Variants in FBN2 observed in about 807,000 individuals in gnomAD.
The protein encoded by FBN2 is fibrillin-2.
In FBN2, 105 loss-of-function variants were observed where a neutral mutation model predicts 355.6. That is an observed-to-expected ratio of 0.30 (90% CI 0.25 to 0.35). The LOEUF (loss-of-function observed/expected upper bound fraction) is 0.35, where lower values mean the gene tolerates loss of function less well. Among genes scored for constraint, FBN2 ranks in the 10% least tolerant of loss-of-function variants. FBN2 has a pLI of 1.00. For missense variants in FBN2, 3,280 were observed against 3,758.7 expected (o/e 0.87, Z 3.33); for synonymous variants, 1,350 against 1,301.2 (o/e 1.04, Z -0.81).
intron 4 of FBN2, among the ~76,000 whole-genome samples, chr5:128,519,948 C>CTTCT (rs1756387453): frequency 1.3e-5 from 2 of 151,802 alleles, no homozygotes; most frequent in South Asian, 4.2e-4. Flanking sequence ...ATACCATCAA[C>CTTCT]GTTAGCTATA....
intron 1 of FBN2, among the ~76,000 whole-genome samples, chr5:128,537,077 G>T (rs1318505573): frequency 3.9e-5 from 6 of 152,120 alleles, no homozygotes; most frequent in African/African-American, 1.4e-4. Flanking sequence ...CGCAGCGCGA[G>T]CTCTGCACAC....
intron 55 of FBN2, among the ~76,000 whole-genome samples, chr5:128,283,116 C>T (rs1212934149): frequency 6.6e-6 from 1 of 152,158 alleles, no homozygotes. Flanking sequence ...GTTTTTTCTC[C>T]AAGGCCAGCT....
intron 48 of FBN2, among the ~76,000 whole-genome samples, chr5:128,293,950 T>C (rs1749415303): frequency 6.6e-6 from 1 of 152,066 alleles, no homozygotes; most frequent in South Asian, 2.1e-4. Context: ...ACTCGTCATC[T>C]AGCATTAGGT....
chr5:128,289,879 T>C lies in FBN2; in HGVS notation c.6511+3A>G. 5 of 1,545,348 alleles carry C rather than the reference T, an allele frequency of 3.2e-6. No individual in the cohort carries two copies. In the South Asian group the frequency reaches 5.6e-5, roughly 17 times the overall value. ...TATAGGAATAAAATATATCAAAGCG[T>C]ACCTTCACGTGTATCATGAAGACTA... On this transcript the variant is annotated splice_donor_region_variant and intron_variant, in intron 51 of 64. Transcript: ENST00000262464.
At chr5:128,380,425 T>C (rs1195197292) in intron 11 of FBN2, among the ~76,000 whole-genome samples, 1 of 152,072 alleles carries the variant, frequency 6.6e-6, no homozygotes, top group Admixed American at 6.6e-5. Context: ...CCCCTCTCTT[T>C]AGGTAAAGTT....
rs377235292 is a variant in FBN2 at position 128,424,218 on chromosome 5, T to C, written c.953-15419A>G. ...GTTTTGGGAGCCAACTGCTTATAGA[T>C]GATTGTTCCGCAGGGATGTTTCAGT... On this transcript the variant is annotated intron_variant, in intron 7 of 64. Transcript: ENST00000262464. Among the ~76,000 whole-genome samples the C allele has an allele frequency of 2.6e-5, 4 of 152,084 alleles. No homozygotes were observed. The South Asian group carries it at 8.3e-4, about 32-fold the overall frequency.
At chr5:128,338,189 G>A (rs1310651488) in intron 26 of FBN2, 67 bp from the exon 27 acceptor site, 20 of 1,476,704 alleles carry the variant, frequency 1.4e-5, no homozygotes, top group South Asian at 2.3e-5. Flanking sequence ...ATACAGCGTG[G>A]GAGAAAGAAT....
rs1208761502 is a variant in FBN2, at chr5:128,258,592, A to G, written c.*863T>C. ...CATGAGGACGCAGCGCACCCTGGGT[A>G]AGAATGAGGTGTTGTGGGTAGCACA... On this transcript the variant is annotated 3_prime_UTR_variant, in exon 65 of 65. Coordinates refer to ENST00000262464, the MANE Select transcript of FBN2 (RefSeq NM_001999.4). 6.6e-6 allele frequency: 1 copy of G among 152,596 alleles called. No homozygotes were observed. The highest frequency in any genetic ancestry group is 2.4e-5 in the African/African-American group (1 of 41,432). 9.5% of individuals were successfully genotyped at this position (152,596 alleles called of 1,614,324 possible). A position where few individuals can be genotyped will look rare whatever the true frequency, so the allele number is the denominator to read the frequency against.
At chr5:128,507,352 C>T (rs1755989922) in intron 5 of FBN2, among the ~76,000 whole-genome samples, 1 of 151,940 alleles carries the variant, frequency 6.6e-6, no homozygotes, top group African/African-American at 2.4e-5. Flanking sequence ...AGGCTCAAGT[C>T]CCTGATAAAA....
At chr5:128,333,279 G>C (rs1300082289) in intron 31 of FBN2, among the ~76,000 whole-genome samples, 1 of 152,130 alleles carries the variant, frequency 6.6e-6, no homozygotes, top group Non-Finnish European at 1.5e-5. Flanking sequence ...AAGAGAGAGA[G>C]ACACAGCAGT....
intron 20 of FBN2, among the ~76,000 whole-genome samples, chr5:128,353,846 C>T (rs573417345): frequency 2.0e-4 from 30 of 152,300 alleles, no homozygotes; most frequent in African/African-American, 7.0e-4. Flanking sequence ...TGCAGTCTGA[C>T]TCCAAAGCCC....
intron 1 of FBN2, among the ~76,000 whole-genome samples, chr5:128,537,147 G>A (rs926569248): frequency 2.6e-5 from 4 of 152,120 alleles, no homozygotes; most frequent in Admixed American, 2.0e-4. Flanking sequence ...CCGGAGAGAG[G>A]GCTTTCCGCC....
At chr5:128,489,553 G>A (rs1208042970) in intron 5 of FBN2, among the ~76,000 whole-genome samples, 1 of 151,964 alleles carries the variant, frequency 6.6e-6, no homozygotes, top group Non-Finnish European at 1.5e-5. Flanking sequence ...AGTATGTCAC[G>A]AATTCATGAA....
intron 7 of FBN2, among the ~76,000 whole-genome samples, chr5:128,409,401 T>C (rs529689324): frequency 6.6e-6 from 1 of 152,302 alleles, no homozygotes; most frequent in African/African-American, 2.4e-5. Flanking sequence ...CTATTGTACC[T>C]CCCTACATTT....
chr5:128,316,763 G>T (rs1581211241), intron 36 of FBN2, among the ~76,000 whole-genome samples: 1 of 152,078 alleles, frequency 6.6e-6, no homozygotes, highest in East Asian at 1.9e-4. Context: ...ATGATTTTGG[G>T]CATTTGTTTG....
intron 26 of FBN2, among the ~76,000 whole-genome samples, chr5:128,338,697 A>C (rs1251967556): frequency 6.6e-6 from 1 of 152,226 alleles, no homozygotes; most frequent in Non-Finnish European, 1.5e-5. Flanking sequence ...AGATTCTATG[A>C]ATAAACAGGA....
At chr5:128,531,038 C>T (rs115989513) in intron 2 of FBN2, among the ~76,000 whole-genome samples, 3 of 151,956 alleles carry the variant, frequency 2.0e-5, no homozygotes, top group Non-Finnish European at 2.9e-5. Context: ...AGTCATTATT[C>T]GAAAAAGATA....
intron 6 of FBN2, among the ~76,000 whole-genome samples, chr5:128,447,411 T>A (rs1333923330): frequency 6.6e-6 from 1 of 152,156 alleles, no homozygotes; most frequent in Non-Finnish European, 1.5e-5. Context: ...ACTGTCTCTC[T>A]TTTACAGTTG....
chr5:128,498,322 C>T (rs774666014), intron 5 of FBN2, among the ~76,000 whole-genome samples: 6 of 152,168 alleles, frequency 3.9e-5, no homozygotes, highest in Admixed American at 1.3e-4. Context: ...TCACCAGTCA[C>T]GGGATAATTA....
Sources: allele counts gnomAD v4.1 joint callset (sites outside exome capture counted in the v4.1 genomes callset), GRCh38; gene constraint gnomAD v4.1.1; transcripts MANE v1.5; gene names NCBI Gene and HGNC (gene_info 2026-07-23, HGNC 2026-07-21).